Variants in PITPNM3 observed in about 807,000 individuals in gnomAD.
PITPNM3 encodes the protein membrane-associated phosphatidylinositol transfer protein 3.
A neutral mutation model predicts 102.0 loss-of-function variants in PITPNM3; 26 were observed. The observed-to-expected ratio is 0.25, with a 90% confidence interval of 0.19 to 0.35. The LOEUF is 0.35. Among genes scored for constraint, PITPNM3 ranks in the 10% least tolerant of loss-of-function variants. The pLI is 1.00. For missense variants in PITPNM3, 1,083 were observed against 1,346.1 expected (o/e 0.80, Z 3.06); for synonymous variants, 578 against 558.6 (o/e 1.03, Z -0.49).
chr17:6,491,541 G>A (rs1906483792), intron 4 of PITPNM3, among the ~76,000 whole-genome samples: 2 of 152,210 alleles, frequency 1.3e-5, no homozygotes, highest in South Asian at 4.1e-4. Context: ...AGGCTGGGGG[G>A]CCCAGAGCCC....
At chr17:6,487,830 G>A (rs907685035) in intron 4 of PITPNM3, among the ~76,000 whole-genome samples, 3 of 152,198 alleles carry the variant, frequency 2.0e-5, no homozygotes, top group African/African-American at 4.8e-5. Context: ...TGTTGAGGCC[G>A]TGCCTGGTTC....
chr17:6,496,669 T>C (rs548641830), intron 4 of PITPNM3, among the ~76,000 whole-genome samples: 2 of 152,294 alleles, frequency 1.3e-5, no homozygotes, highest in African/African-American at 4.8e-5. Context: ...GGGTTTGATT[T>C]TGCTCTATTT....
At chr17:6,466,053 C>G (rs961919599) in intron 14 of PITPNM3, among the ~76,000 whole-genome samples, 2 of 152,224 alleles carry the variant, frequency 1.3e-5, no homozygotes, top group Non-Finnish European at 2.9e-5. Flanking sequence ...CCAAGGCTTG[C>G]CTGAACGACC....
intron 1 of PITPNM3, among the ~76,000 whole-genome samples, chr17:6,540,029 A>T (rs1392486319): frequency 6.6e-6 from 1 of 152,162 alleles, no homozygotes; most frequent in Non-Finnish European, 1.5e-5. Flanking sequence ...CACGGTTTAG[A>T]TCCATCCGAG....
chr17:6,463,467 A>AGGAGGG (rs1904594122), intron 17 of PITPNM3, among the ~76,000 whole-genome samples: 1 of 54,934 alleles, frequency 1.8e-5, no homozygotes, highest in African/African-American at 6.8e-5. Context: ...AGAAGGAAAA[A>AGGAGGG]AGGAAGGAAT....
In PITPNM3 at chr17:6,474,611, A is replaced by G. The variant is rs1597370203; in HGVS notation, c.1086-7T>C. The G allele has an allele frequency of 6.4e-7, 1 of 1,557,004 alleles. No homozygotes were observed. ...TAGCACGCTGGAGTGGATGCTGCGG[A>G]GGGAGGAGGACGCAGGGCAGGGCAG... On this transcript the variant is annotated splice_region_variant and splice_polypyrimidine_tract_variant and intron_variant, in intron 9 of 19. Coordinates refer to ENST00000262483, the MANE Select transcript of PITPNM3 (RefSeq NM_031220.4).
chr17:6,489,743 C>T (rs1035947203), intron 4 of PITPNM3, among the ~76,000 whole-genome samples: 1 of 152,184 alleles, frequency 6.6e-6, no homozygotes, highest in Non-Finnish European at 1.5e-5. Context: ...CCGTGGCTCA[C>T]GCCTGTAGTC....
intron 1 of PITPNM3, among the ~76,000 whole-genome samples, chr17:6,545,847 G>T (rs1024295736): frequency 6.6e-6 from 1 of 152,176 alleles, no homozygotes; most frequent in African/African-American, 2.4e-5. Flanking sequence ...TTGGGCTGTG[G>T]GTTCCCCCTG....
rs922153921 is a variant in PITPNM3 at position 6,488,098 on chromosome 17, G to A, written c.275-3806C>T. 4.6e-5 allele frequency among the ~76,000 whole-genome samples: 7 copies of A among 151,980 alleles called. No homozygotes were observed. In the South Asian group the frequency reaches 6.2e-4, roughly 14 times the overall value. On this transcript the variant is annotated intron_variant, in intron 4 of 19. Transcript: ENST00000262483. The stretch of plus-strand genomic sequence containing the variant: ...TTCCCCACAGAAAGGCACACCTCCC[G>A]TCTTCATCTTAGCAGAGGCCCCTGT...
intron 1 of PITPNM3, among the ~76,000 whole-genome samples, chr17:6,541,624 G>T (rs892890569): frequency 1.3e-5 from 2 of 152,104 alleles, no homozygotes; most frequent in Admixed American, 1.3e-4. Flanking sequence ...TACAGATGCT[G>T]AAGAGTGTCA....
intron 2 of PITPNM3, among the ~76,000 whole-genome samples, chr17:6,528,598 T>C (rs1345675395): frequency 2.0e-5 from 3 of 152,114 alleles, no homozygotes; most frequent in Non-Finnish European, 1.5e-5. Flanking sequence ...CATATGTGTG[T>C]GGCCCTCTCT....
At chr17:6,527,375 T>C (rs532033627) in intron 2 of PITPNM3, among the ~76,000 whole-genome samples, 22 of 152,260 alleles carry the variant, frequency 1.4e-4, no homozygotes, top group African/African-American at 2.9e-4. Flanking sequence ...TGTCATTGGA[T>C]TGTTGTGAGC....
chr17:6,477,080 G>A lies in PITPNM3; in HGVS notation c.1034C>T (p.Ser345Phe), dbSNP rs781364222. The change falls in exon 9 of 20, where the codon TCC becomes TTC. Residue 345 changes from serine (S) to phenylalanine (F), a missense_variant. By Grantham distance (155) the Ser-to-Phe change is radical (BLOSUM62 -2). Transcript: ENST00000262483. ...KRPLPRKQSD[S>F]STYDCEAITQ... ...GATGGCCTCGCAGTCATAGGTGGAG[G>A]AGTCGCTCTGTTTCCGCGGCAACGG... is the stretch of plus-strand genomic sequence containing the variant. 1 of 1,614,180 alleles carries A rather than the reference G, an allele frequency of 6.2e-7. No individual in the cohort carries two copies. The highest frequency in any genetic ancestry group is 8.5e-7 in the Non-Finnish European group (1 of 1,180,042).
At chr17:6,498,552 CGGGAGGCA>C (rs886499499) in intron 4 of PITPNM3, among the ~76,000 whole-genome samples, 8 of 152,058 alleles carry the variant, frequency 5.3e-5, no homozygotes, top group South Asian at 2.1e-4. Context: ...GCAGGGAGGC[CGGGAGGCA>C]GGGAGGCAGG....
chr17:6,531,623 C>T (rs898603940), intron 2 of PITPNM3, among the ~76,000 whole-genome samples: 14 of 152,230 alleles, frequency 9.2e-5, no homozygotes, highest in Admixed American at 3.9e-4. Flanking sequence ...GGGACAGGGA[C>T]GGGGTACCCA....
intron 2 of PITPNM3, among the ~76,000 whole-genome samples, chr17:6,532,579 A>G (rs983203769): frequency 1.3e-5 from 2 of 152,100 alleles, no homozygotes; most frequent in African/African-American, 4.8e-5. Context: ...TATAAATAGA[A>G]TCATACAGGA....
chr17:6,506,154 T>C (rs1907494349), intron 3 of PITPNM3, among the ~76,000 whole-genome samples: 1 of 152,068 alleles, frequency 6.6e-6, no homozygotes, highest in South Asian at 2.1e-4. Flanking sequence ...CCAAACCTCC[T>C]GCTTTTTCTA....
chr17:6,554,273 T>C (rs1910479578), intron 1 of PITPNM3, among the ~76,000 whole-genome samples: 1 of 128,070 alleles, frequency 7.8e-6, no homozygotes, highest in Non-Finnish European at 1.6e-5. Flanking sequence ...TGAGCCGAGA[T>C]CAAGCCATGC....
chr17:6,467,779 C>T (rs1159309256), intron 14 of PITPNM3, among the ~76,000 whole-genome samples: 2 of 152,242 alleles, frequency 1.3e-5, no homozygotes, highest in African/African-American at 4.8e-5. Flanking sequence ...CACAGAGGAG[C>T]CTCTTCAGAG....
Sources: gnomAD v4.1 joint callset for allele counts (sites outside exome capture counted in the v4.1 genomes callset) on GRCh38, gnomAD v4.1.1 for gene constraint, MANE v1.5 for transcripts, NCBI Gene and HGNC (gene_info 2026-07-23, HGNC 2026-07-21) for gene names.